Variants in CRB2 observed in about 807,000 individuals in gnomAD.
CRB2 encodes crumbs cell polarity complex component 2.
A neutral mutation model predicts 110.9 loss-of-function variants in CRB2; 85 were observed. The observed-to-expected ratio is 0.77, with a 90% CI of 0.64 to 0.92. The LOEUF is 0.92. CRB2 is among the 40% of genes least tolerant of loss of function. CRB2 has a pLI of 0.00. For missense variants in CRB2, 1,843 were observed against 1,851.3 expected (o/e 1.00, Z 0.08); for synonymous variants, 907 against 831.0 (o/e 1.09, Z -1.57).
chr9:123,376,802 C>A, intron 12 of CRB2, 36 bp from the exon 13 acceptor site: 1 of 1,567,996 alleles, frequency 6.4e-7, no homozygotes, highest in Non-Finnish European at 8.7e-7. Flanking sequence ...CTCCCCTTCT[C>A]TGCGGTCTTA....
chr9:123,370,159 A>G lies in CRB2; in HGVS notation c.1106A>G (p.His369Arg). The stretch of plus-strand genomic sequence containing the variant: ...GAATGCCTGTCGGATCCCTGCCTGC[A>G]CGGCGGAACCTGCAGTGACACTGTG... Reference protein sequence around the residue: ...VDECLSDPCLHGGTCSDTVAG... With the variant: ...VDECLSDPCLRGGTCSDTVAG... The change falls in exon 7 of 13, where the codon CAC (histidine) becomes CGC (arginine). Residue 369 changes from histidine (H) to arginine (R), a missense_variant. By Grantham distance (29) the His-to-Arg change is conservative. Transcript: ENST00000373631. 6.2e-7 allele frequency: 1 copy of G among 1,608,334 alleles called. No individual in the cohort carries two copies. Among genetic ancestry groups the G allele is most frequent in the Non-Finnish European group, 8.5e-7 (1 of 1,176,440 alleles).
rs1417277187 is a variant in CRB2, at chr9:123,367,685, A to C, written c.1053A>C (p.Ala351=). Residue 351 remains alanine, a splice_region_variant and synonymous_variant, in exon 6 of 13, where the codon GCA becomes GCC. Coordinates refer to ENST00000373631, the MANE Select transcript of CRB2 (RefSeq NM_173689.7). ...AGTGTCACTGCCCAGATGGCTACGC[A>C]GGTGTCTGGGGTGGGGTGGGCCCTG... ...GFQCHCPDGY[A]GPTCEEDVDE... 1 of 1,551,762 alleles carries C rather than the reference A, an allele frequency of 6.4e-7. No homozygotes were observed. The highest frequency in any genetic ancestry group is 8.7e-7 in the Non-Finnish European group (1 of 1,147,912).
chr9:123,367,627 G>A lies in CRB2; in HGVS notation c.995G>A (p.Gly332Glu). Residue 332 changes from glycine to glutamate, a missense_variant, in exon 6 of 13, where the codon GGA (glycine) becomes GAA (glutamate). Transcript: ENST00000373631. ...TGTGCCTCACGGCCATGCCTCAACG[G>A]AGGCCACTGCCAGGACCTGCCCAAT... is the stretch of plus-strand genomic sequence containing the variant. ...DECASRPCLNGGHCQDLPNGF... is the reference protein window; with the variant it reads ...DECASRPCLNEGHCQDLPNGF... 3 of 1,570,912 alleles carry A rather than the reference G, an allele frequency of 1.9e-6. No homozygotes were observed. The highest frequency in any genetic ancestry group is 1.8e-5 in the Admixed American group (1 of 54,816).
intron 11 of CRB2, 124 bp from the exon 12 acceptor site, chr9:123,375,093 C>A: frequency 3.5e-6 from 5 of 1,421,946 alleles, no homozygotes; most frequent in Non-Finnish European, 4.8e-6. Context: ...GCAGGAGCAG[C>A]GCATGGGGAC....
intron 6 of CRB2, chr9:123,368,979 G>A (rs1185513576): frequency 1.7e-6 from 2 of 1,191,370 alleles, no homozygotes; most frequent in African/African-American, 1.6e-5. Context: ...GGCAGGGGGA[G>A]GTTGGTGGGT....
Position 123,371,535 on chromosome 9 carries a change from C to G in CRB2, c.2393C>G (p.Ser798Cys). ...SQPSELGGRQ[S>C]WNLTAGCVSE... The stretch of plus-strand genomic sequence containing the variant: ...CCCAGCGAGCTCGGCGGCAGGCAGT[C>G]CTGGAACCTCACTGCGGGCTGCGTC... Residue 798 changes from serine to cysteine, a missense_variant, in exon 8 of 13, where the codon TCC becomes TGC. Physicochemically the swap from Ser to Cys is moderately radical, Grantham distance 112. Transcript: ENST00000373631. 1 of 1,613,160 alleles carries G rather than the reference C, an allele frequency of 6.2e-7. No individual in the cohort carries two copies. Among genetic ancestry groups the G allele is most frequent in the Non-Finnish European group, 8.5e-7 (1 of 1,180,028 alleles).
At position 123,362,847 on chromosome 9, in the gene CRB2, AGTTTCTTCTTTCTACAGGGACG is replaced by A; in HGVS notation, c.95-15_101del. 5 of 1,555,918 alleles carry A rather than the reference AGTTTCTTCTTTCTACAGGGACG, an allele frequency of 3.2e-6. No homozygotes were observed. The highest frequency in any genetic ancestry group is 4.4e-6 in the Non-Finnish European group (5 of 1,144,762). On this transcript the variant is annotated splice_acceptor_variant and splice_polypyrimidine_tract_variant and coding_sequence_variant and intron_variant, in exon 2 of 13. Coordinates refer to ENST00000373631, the MANE Select transcript of CRB2 (RefSeq NM_173689.7). LOFTEE classifies it high-confidence loss of function. ...TAACCTCTGCCCACCCTGCCCAGCC[AGTTTCTTCTTTCTACAGGGACG>A]GTGCCTTCAGAGCCCCCCAGTGCCT...
intron 6 of CRB2, chr9:123,368,685 C>T: frequency 1.2e-6 from 1 of 847,682 alleles, no homozygotes; most frequent in Non-Finnish European, 1.5e-6. Context: ...GAGGTCAGAG[C>T]CAGGGAGGGG....
At chr9:123,366,398 G>A (rs1468643723) in intron 4 of CRB2, 32 bp downstream of exon 4, 2 of 1,526,882 alleles carry the variant, frequency 1.3e-6, no homozygotes, top group Non-Finnish European at 1.7e-6. Flanking sequence ...GCCTGGCGGG[G>A]GGAGGGGTAG....
In CRB2 at chr9:123,370,603, G is replaced by A. The variant is rs550258168; in HGVS notation, c.1550G>A (p.Gly517Asp). ...LRLPDLALND[G>D]HWHQVEVVLH... ...CTGCCGGACCTGGCCCTAAACGATG[G>A]CCATTGGCACCAGGTGGAGGTTGTG... Residue 517 changes from glycine (G) to aspartate (D), a missense_variant, in exon 7 of 13, where the codon GGC becomes GAC. Transcript: ENST00000373631. 1.2e-6 allele frequency: 2 copies of A among 1,612,612 alleles called. No homozygotes were observed. Among genetic ancestry groups the A allele is most frequent in the South Asian group, 2.2e-5 (2 of 91,082 alleles).
downstream of CRB2, among the ~76,000 whole-genome samples, chr9:123,379,419 G>A (rs1318700864): frequency 1.3e-5 from 2 of 152,218 alleles, no homozygotes; most frequent in African/African-American, 2.4e-5. Context: ...CATGGCCCCC[G>A]CAGGGCTGAG....
At chr9:123,355,519 C>T (rs2041787149), upstream of CRB2, among the ~76,000 whole-genome samples, 1 of 151,094 alleles carries the variant, frequency 6.6e-6, no homozygotes, top group African/African-American at 2.4e-5. Flanking sequence ...GGGTGAGGTG[C>T]CCTGCAGGGA....
intron 9 of CRB2, 120 bp from the exon 10 acceptor site, chr9:123,373,014 G>A (rs1295027999): frequency 4.0e-6 from 3 of 754,708 alleles, no homozygotes; most frequent in Non-Finnish European, 6.0e-6. Flanking sequence ...TAGATGATAG[G>A]TGGGTGCGTG....
intron 8 of CRB2, among the ~76,000 whole-genome samples, chr9:123,371,835 C>T (rs750836265): frequency 2.6e-5 from 4 of 152,118 alleles, no homozygotes; most frequent in East Asian, 1.9e-4. Context: ...ACACCCTGAC[C>T]GAGATAGAGA....
chr9:123,369,347 T>C (rs1030074546), intron 6 of CRB2, among the ~76,000 whole-genome samples: 3 of 152,204 alleles, frequency 2.0e-5, no homozygotes, highest in Non-Finnish European at 4.4e-5. Context: ...CAAGGACATA[T>C]TCAGGTCCCT....
chr9:123,367,458 ACACCC>A, intron 5 of CRB2, 101 bp downstream of exon 5: 1 of 609,210 alleles, frequency 1.6e-6, no homozygotes, highest in Non-Finnish European at 2.2e-6. Flanking sequence ...CCCACACCCC[ACACCC>A]GAGTCTGCCC....
chr9:123,361,597 G>A (rs1327767369), intron 1 of CRB2, among the ~76,000 whole-genome samples: 1 of 151,152 alleles, frequency 6.6e-6, no homozygotes, highest in African/African-American at 2.4e-5. Context: ...GGCACCTTTG[G>A]GAGCTCCGGA....
chr9:123,374,783 C>T (rs1394750318), intron 11 of CRB2, 88 bp downstream of exon 11: 37 of 812,700 alleles, frequency 4.6e-5, no homozygotes, highest in Non-Finnish European at 4.0e-6. Context: ...GGTCCTCGCC[C>T]ACCTTCTCAC....
rs180882654 is a variant in CRB2 at position 123,363,885 on chromosome 9, C to T, written c.418+697C>T. On this transcript the variant is annotated intron_variant, in intron 2 of 12. Coordinates refer to ENST00000373631, the MANE Select transcript of CRB2 (RefSeq NM_173689.7). ...GCGGCTTCCCAGAGAGGCCTGAAGT[C>T]GGGAAGGAGGGCGCAGCTGGGGACA... 2.9e-3 allele frequency among the ~76,000 whole-genome samples: 448 copies of T among 152,240 alleles called. 4 individuals carry two copies. The highest frequency in any genetic ancestry group is 4.6e-3 in the Non-Finnish European group (316 of 68,016).
Sources: gnomAD v4.1 joint callset for allele counts (sites outside exome capture counted in the v4.1 genomes callset) on GRCh38, gnomAD v4.1.1 for gene constraint, MANE v1.5 for transcripts, NCBI Gene and HGNC (gene_info 2026-07-23, HGNC 2026-07-21) for gene names.